Variants in MAGI2 observed in about 807,000 individuals in gnomAD.
MAGI2 encodes membrane-associated guanylate kinase, WW and PDZ domain-containing protein 2.
A neutral mutation model predicts 133.3 loss-of-function variants in MAGI2; 35 were observed. The observed-to-expected ratio is 0.26, with a 90% CI of 0.20 to 0.35. The LOEUF is 0.35. Among genes scored for constraint, MAGI2 ranks in the 10% least tolerant of loss-of-function variants. The pLI is 1.00. For missense variants in MAGI2, 1,636 were observed against 1,863.4 expected (o/e 0.88, Z 2.25); for synonymous variants, 729 against 710.6 (o/e 1.03, Z -0.41).
intron 1 of MAGI2, chr7:79,415,116 A>G (rs759041076): frequency 1.3e-5 from 2 of 152,204 alleles, no homozygotes; most frequent in African/African-American, 4.8e-5. Context: ...AGGATCAGAG[A>G]ATATGAATCC....
chr7:78,800,882 C>T (rs920958416), intron 2 of MAGI2, among the ~76,000 whole-genome samples: 2 of 152,012 alleles, frequency 1.3e-5, no homozygotes, highest in Non-Finnish European at 2.9e-5. Flanking sequence ...GGAAATTGAA[C>T]TTACCTGACC....
intron 1 of MAGI2, among the ~76,000 whole-genome samples, chr7:79,372,685 C>A (rs1337306628): frequency 7.9e-5 from 12 of 151,968 alleles, no homozygotes; most frequent in Admixed American, 7.9e-4. Flanking sequence ...GGTCACTGAC[C>A]ATCCTCTCCT....
chr7:79,214,732 T>A (rs996034643), intron 1 of MAGI2, among the ~76,000 whole-genome samples: 1 of 137,360 alleles, frequency 7.3e-6, no homozygotes, highest in African/African-American at 2.8e-5. Flanking sequence ...TATAAATATA[T>A]AAATATAAAT....
chr7:78,297,864 T>G (rs1797434253), intron 9 of MAGI2, among the ~76,000 whole-genome samples: 2 of 139,998 alleles, frequency 1.4e-5, no homozygotes, highest in Non-Finnish European at 3.1e-5. Flanking sequence ...AGGGATAGCA[T>G]TGGGAGATAC....
intron 1 of MAGI2, among the ~76,000 whole-genome samples, chr7:79,046,221 C>T (rs975902744): frequency 6.6e-6 from 1 of 152,064 alleles, no homozygotes; most frequent in African/African-American, 2.4e-5. Flanking sequence ...GACTGTGTTT[C>T]GAAATACAGC....
In MAGI2 at chr7:78,102,036, A is replaced by G. The variant is rs141978762; in HGVS notation, c.3568-22951T>C. Among the ~76,000 whole-genome samples, 108 of 152,332 alleles carry G rather than the reference A, an allele frequency of 7.1e-4. No individual in the cohort carries two copies. The East Asian group carries it at 0.019, about 27-fold the overall frequency. ...TGTAACTCAGACTTCAACCATCAGGAAATCCTGCCATTTGTGACAATGTGA... is the reference window on the plus strand; with the variant it reads ...TGTAACTCAGACTTCAACCATCAGGGAATCCTGCCATTTGTGACAATGTGA... On this transcript the variant is annotated intron_variant, in intron 20 of 21. Coordinates refer to ENST00000354212, the MANE Select transcript of MAGI2 (RefSeq NM_012301.4).
chr7:79,332,736 C>T (rs976139993), intron 1 of MAGI2, among the ~76,000 whole-genome samples: 1 of 152,150 alleles, frequency 6.6e-6, no homozygotes, highest in Non-Finnish European at 1.5e-5. Flanking sequence ...TTTATACATA[C>T]ACTCTTGGTA....
At chr7:79,438,392 A>G (rs184158418) in intron 1 of MAGI2, among the ~76,000 whole-genome samples, 108 of 152,284 alleles carry the variant, frequency 7.1e-4, no homozygotes, top group Non-Finnish European at 1.4e-3. Context: ...AATTGCTTTA[A>G]GTAAAATATC....
chr7:79,178,279 T>C (rs1826291661), intron 1 of MAGI2, among the ~76,000 whole-genome samples: 2 of 151,938 alleles, frequency 1.3e-5, no homozygotes, highest in South Asian at 2.1e-4. Flanking sequence ...AAACAGCAGA[T>C]ACGTTCTAGC....
intron 3 of MAGI2, among the ~76,000 whole-genome samples, chr7:78,569,586 GAAAA>G (rs971878660): frequency 6.6e-6 from 1 of 150,582 alleles, no homozygotes; most frequent in Non-Finnish European, 1.5e-5. Context: ...AAAAAGGAAA[GAAAA>G]AAAAGTAAAA....
In MAGI2 at chr7:78,194,858, T is replaced by C. The variant is rs758760279; in HGVS notation, c.2269+16A>G. 8 of 1,575,092 alleles carry C rather than the reference T, an allele frequency of 5.1e-6. No homozygotes were observed. The Admixed American group carries it at 9.4e-5, about 18-fold the overall frequency. On this transcript the variant is annotated intron_variant, in intron 12 of 21. Transcript: ENST00000354212. ...CTATTATTAATGTACCCTTGTTTCA[T>C]GTGGCTTTCACTTACGCCTACTTTC...
chr7:78,304,837 T>C (rs1460932940), intron 9 of MAGI2, among the ~76,000 whole-genome samples: 3 of 152,112 alleles, frequency 2.0e-5, no homozygotes, highest in Non-Finnish European at 4.4e-5. Context: ...AAAGTGAGCC[T>C]CGTGAATATC....
At chr7:79,076,050 C>T (rs1451179832) in intron 1 of MAGI2, among the ~76,000 whole-genome samples, 3 of 152,142 alleles carry the variant, frequency 2.0e-5, no homozygotes, top group Admixed American at 2.0e-4. Context: ...TTTATAATCT[C>T]GTTATACTTA....
At chr7:78,661,949 C>A (rs184249639) in intron 2 of MAGI2, among the ~76,000 whole-genome samples, 2 of 152,220 alleles carry the variant, frequency 1.3e-5, no homozygotes, top group East Asian at 3.9e-4. Context: ...TATTTAAAGA[C>A]AAGAAACAAC....
intron 6 of MAGI2, among the ~76,000 whole-genome samples, chr7:78,417,505 A>G (rs918855853): frequency 9.3e-4 from 142 of 152,208 alleles, no homozygotes; most frequent in Non-Finnish European, 1.8e-4. Flanking sequence ...TAGTAACTAT[A>G]ATACTTAATA....
At chr7:78,092,678 T>C (rs58096476) in intron 20 of MAGI2, among the ~76,000 whole-genome samples, 14,680 of 152,224 alleles carry the variant, frequency 0.096, 791 homozygotes, top group African/African-American at 0.12. Context: ...TGGTTTATTG[T>C]AGCTTTGCAA....
chr7:78,163,173 T>C (rs1825256016), intron 15 of MAGI2, among the ~76,000 whole-genome samples: 1 of 152,172 alleles, frequency 6.6e-6, no homozygotes, highest in African/African-American at 2.4e-5. Flanking sequence ...AGTCTCACTC[T>C]GTCGCCCAGG....
intron 2 of MAGI2, among the ~76,000 whole-genome samples, chr7:78,769,945 G>A (rs1428523174): frequency 4.6e-5 from 7 of 152,010 alleles, no homozygotes; most frequent in Non-Finnish European, 7.4e-5. Context: ...GGAAAAAAAA[G>A]AGGAAGAGAA....
chr7:78,115,324 T>C (rs915757959), intron 20 of MAGI2, among the ~76,000 whole-genome samples: 1 of 152,002 alleles, frequency 6.6e-6, no homozygotes, highest in Non-Finnish European at 1.5e-5. Flanking sequence ...TAAGATAGAA[T>C]AAGTGAAACT....
Sources: allele counts gnomAD v4.1 joint callset (sites outside exome capture counted in the v4.1 genomes callset), GRCh38; gene constraint gnomAD v4.1.1; transcripts MANE v1.5; gene names NCBI Gene and HGNC (gene_info 2026-07-23, HGNC 2026-07-21).